The following PDE4D variants were observed in gnomAD, a reference collection of about 807,000 sequenced individuals.
PDE4D encodes the protein phosphodiesterase 4D.
PDE4D carries 24 observed loss-of-function variants against 87.4 expected under a neutral mutation model. The ratio of observed to expected loss-of-function variants is 0.27; its 90% CI spans 0.20 to 0.39. The LOEUF is 0.39. PDE4D is among the 10% of genes least tolerant of loss of function. The probability of loss-of-function intolerance (pLI) is 1.00; values close to 1 mark genes in which losing one functional copy is unlikely to be tolerated. For synonymous variants in PDE4D, 384 were observed against 383.2 expected (o/e 1.00, Z -0.02); for missense variants, 714 against 1,041.0 (o/e 0.69, Z 4.32).
intron 5 of PDE4D, among the ~76,000 whole-genome samples, chr5:59,146,589 C>A: frequency 6.7e-6 from 1 of 150,036 alleles, no homozygotes; most frequent in Admixed American, 6.6e-5. Context: ...TTTTCCAAAT[C>A]AAATAATGCA....
chr5:59,502,868 A>G (rs1260769907), intron 1 of PDE4D, among the ~76,000 whole-genome samples: 2 of 150,914 alleles, frequency 1.3e-5, no homozygotes, highest in East Asian at 3.9e-4. Context: ...CAATCACAAT[A>G]TCTTGATAGG....
chr5:59,183,512 C>G (rs1742169969), intron 4 of PDE4D, among the ~76,000 whole-genome samples: 1 of 152,226 alleles, frequency 6.6e-6, no homozygotes, highest in African/African-American at 2.4e-5. Flanking sequence ...GTAAAGGAAG[C>G]ATAAAGGGAG....
chr5:59,239,858 G>T (rs16889427), intron 1 of PDE4D, among the ~76,000 whole-genome samples: 4,862 of 152,200 alleles, frequency 0.032, 262 homozygotes, highest in African/African-American at 0.11. Flanking sequence ...CACTCAAAAA[G>T]GATTACAAAG....
chr5:59,826,164 T>C (rs1770298966), intron 1 of PDE4D, among the ~76,000 whole-genome samples: 1 of 152,152 alleles, frequency 6.6e-6, no homozygotes, highest in African/African-American at 2.4e-5. Context: ...TAAGCATGAT[T>C]CTCTCTCCAG....
At chr5:59,944,529 G>A (rs1205579380) in intron 3 of PDE4D, among the ~76,000 whole-genome samples, 4 of 152,018 alleles carry the variant, frequency 2.6e-5, no homozygotes, top group East Asian at 1.9e-4. Context: ...CCACCACCAC[G>A]CCCGGCTAAT....
At chr5:59,128,923 C>T (rs911456495) in intron 5 of PDE4D, among the ~76,000 whole-genome samples, 46 of 152,232 alleles carry the variant, frequency 3.0e-4, no homozygotes, top group Non-Finnish European at 1.3e-4. Context: ...CCAAAGGCTG[C>T]GTCATGCTTT....
intron 5 of PDE4D, among the ~76,000 whole-genome samples, chr5:59,106,352 G>T (rs1771577114): frequency 6.6e-6 from 1 of 152,204 alleles, no homozygotes; most frequent in African/African-American, 2.4e-5. Context: ...TTTGACTGAT[G>T]ATGTTATTGC....
chr5:59,009,561 A>G (rs1286160910), intron 6 of PDE4D, among the ~76,000 whole-genome samples: 1 of 152,144 alleles, frequency 6.6e-6, no homozygotes, highest in Non-Finnish European at 1.5e-5. Flanking sequence ...GCAAAACCAT[A>G]GGGACAATCA....
chr5:59,159,607 T>G (rs1780747561), intron 5 of PDE4D, among the ~76,000 whole-genome samples: 1 of 152,186 alleles, frequency 6.6e-6, no homozygotes, highest in Non-Finnish European at 1.5e-5. Context: ...TATCCAGGAA[T>G]TTATACTATT....
chr5:60,325,609 AT>A (rs1038198325), intron 1 of PDE4D, among the ~76,000 whole-genome samples: 1 of 152,092 alleles, frequency 6.6e-6, no homozygotes, highest in Non-Finnish European at 1.5e-5. Context: ...TTTATTTTTT[AT>A]TTTTTTATTT....
At chr5:59,876,404 TG>T (rs749626985) in intron 1 of PDE4D, among the ~76,000 whole-genome samples, 7 of 152,200 alleles carry the variant, frequency 4.6e-5, no homozygotes, top group Non-Finnish European at 1.0e-4. Flanking sequence ...TCCCCTGACC[TG>T]GTAAGTGCTA....
chr5:60,474,550 G>C (rs367673042), intron 1 of PDE4D, among the ~76,000 whole-genome samples: 2 of 152,034 alleles, frequency 1.3e-5, no homozygotes, highest in African/African-American at 4.8e-5. Context: ...TGCAGAGGCT[G>C]GTAAAAATGT....
intron 1 of PDE4D, among the ~76,000 whole-genome samples, chr5:59,380,499 T>C (rs1785582916): frequency 6.6e-6 from 1 of 151,896 alleles, no homozygotes; most frequent in African/African-American, 2.4e-5. Flanking sequence ...CCACTTCAAG[T>C]TTTTGTGGTC....
intron 1 of PDE4D, among the ~76,000 whole-genome samples, chr5:59,460,696 C>A (rs1359851063): frequency 6.6e-6 from 1 of 152,124 alleles, no homozygotes; most frequent in African/African-American, 2.4e-5. Flanking sequence ...TCCATGCTTC[C>A]TTAAGGTCTC....
rs570486146 is a variant in PDE4D, at chr5:59,457,413, G to C, written c.456-241445C>G. 5.3e-5 allele frequency among the ~76,000 whole-genome samples: 8 copies of C among 152,286 alleles called. No homozygotes were observed. The South Asian group carries it at 1.7e-3, about 32-fold the overall frequency. On this transcript the variant is annotated intron_variant, in intron 1 of 14. Coordinates refer to ENST00000340635, the MANE Select transcript of PDE4D (RefSeq NM_001104631.2). ...GCTATTGAATACTTAATAGACTATA[G>C]TGTAAACATAACTTTTGTATGTACT...
At chr5:60,387,157 G>A (rs917727540) in intron 1 of PDE4D, among the ~76,000 whole-genome samples, 2 of 152,196 alleles carry the variant, frequency 1.3e-5, no homozygotes, top group African/African-American at 2.4e-5. Context: ...CAAGGACAAG[G>A]TGATCTGTTA....
At chr5:59,362,358 T>C (rs183769605) in intron 1 of PDE4D, among the ~76,000 whole-genome samples, 1 of 152,322 alleles carries the variant, frequency 6.6e-6, no homozygotes, top group Admixed American at 6.5e-5. Context: ...TCAGTTTTGA[T>C]AGATAACACT....
At chr5:60,472,245 C>T (rs151235754) in intron 1 of PDE4D, among the ~76,000 whole-genome samples, 9 of 152,196 alleles carry the variant, frequency 5.9e-5, no homozygotes, top group African/African-American at 7.2e-5. Flanking sequence ...GTGAGGGAAA[C>T]GATGTTAAAA....
Position 59,242,359 on chromosome 5 carries a change from T to C in PDE4D, c.456-26391A>G, listed in dbSNP as rs76902251. ...AAGCAGGTGACCAGGAGAATCACTA[T>C]TCTATTTTTGATAAAGTTTCACTGA... On this transcript the variant is annotated intron_variant, in intron 1 of 14. Coordinates refer to ENST00000340635, the MANE Select transcript of PDE4D (RefSeq NM_001104631.2). Among the ~76,000 whole-genome samples the C allele has an allele frequency of 4.4e-3, 664 of 152,274 alleles. 3 individuals are homozygous for C. Among genetic ancestry groups the C allele is most frequent in the Admixed American group, 7.1e-3 (109 of 15,292 alleles).
Sources: allele counts gnomAD v4.1 joint callset (sites outside exome capture counted in the v4.1 genomes callset), GRCh38; gene constraint gnomAD v4.1.1; transcripts MANE v1.5; gene names NCBI Gene and HGNC (gene_info 2026-07-23, HGNC 2026-07-21).